The following DOCK8 variants were observed in gnomAD, a reference collection of about 807,000 sequenced individuals.
The protein encoded by DOCK8 is dedicator of cytokinesis protein 8.
Under a neutral mutation model 245.6 loss-of-function variants are expected in DOCK8, and 141 were observed. The observed-to-expected ratio is 0.57, with a 90% CI of 0.50 to 0.66. DOCK8 has a LOEUF of 0.66. Among genes scored for constraint, DOCK8 ranks in the 30% least tolerant of loss-of-function variants. DOCK8 has a pLI of 0.00. For synonymous variants in DOCK8, 1,168 were observed against 970.2 expected (o/e 1.20, Z -3.79); for missense variants, 2,965 against 2,603.4 (o/e 1.14, Z -3.02).
In DOCK8 at chr9:271,720, T is replaced by C. The variant is rs1190777998; in HGVS notation, c.147T>C (p.Ser49=). The C allele has an allele frequency of 6.4e-7, 1 of 1,550,634 alleles. No homozygotes were observed. The highest frequency in any genetic ancestry group is 8.7e-7 in the Non-Finnish European group (1 of 1,145,938). ...RQSISTSGFP[S]LQLPQFYDPV... ...GCATAAGTACCTCTGGCTTCCCCTC[T>C]CTTCAACTAGTAAGTATGAGTTCCA... The change falls in exon 2 of 48, where the codon TCT becomes TCC. Residue 49 remains serine (S), a synonymous_variant. Coordinates refer to ENST00000432829, the MANE Select transcript of DOCK8 (RefSeq NM_203447.4).
In DOCK8 at chr9:311,995, G is replaced by C. The variant is rs772387024; in HGVS notation, c.570G>C (p.Gly190=). The C allele has an allele frequency of 1.2e-6, 2 of 1,614,176 alleles. No individual in the cohort carries two copies. The highest frequency in any genetic ancestry group is 1.6e-4 in the Middle Eastern group (1 of 6,062). ...TAAACGTGCTGTGCGACGTGTCTGG[G>C]AAAGGCCCCGTCACTGCCTGTGACT... is the stretch of plus-strand genomic sequence containing the variant. ...RHLNVLCDVS[G]KGPVTACDFD... Residue 190 remains glycine, a synonymous_variant, in exon 6 of 48, where the codon GGG becomes GGC. Coordinates refer to ENST00000432829, the MANE Select transcript of DOCK8 (RefSeq NM_203447.4).
intron 1 of DOCK8, chr9:215,474 G>A: frequency 6.8e-7 from 1 of 1,477,800 alleles, no homozygotes; most frequent in Non-Finnish European, 9.0e-7. Context: ...TGCGTTTGAG[G>A]CAGGCTGCAA....
intron 1 of DOCK8, chr9:215,646 A>C: frequency 7.0e-6 from 3 of 429,928 alleles, no homozygotes; most frequent in Non-Finnish European, 8.1e-6. Flanking sequence ...AACCAAAAGA[A>C]ATGGCCTGTG....
rs773716205 is a variant in DOCK8 at position 377,061 on chromosome 9, A to C, written c.2290A>C (p.Ile764Leu). ...TFPIRVLDQK[I>L]SEMALEHELK... ...CCCCATCCGCGTGCTGGATCAGAAA[A>C]TCAGCGAGATGGCGCTGGAGCATGA... The change falls in exon 20 of 48, where the codon ATC becomes CTC. Residue 764 changes from isoleucine (I) to leucine (L), a missense_variant. This residue lies in a region of DOCK8 where 2,825 missense variants were observed against 2,453.5 expected (regional missense o/e 1.15). Coordinates refer to ENST00000432829, the MANE Select transcript of DOCK8 (RefSeq NM_203447.4). 2 of 1,613,512 alleles carry C rather than the reference A, an allele frequency of 1.2e-6. No individual in the cohort carries two copies. The highest frequency in any genetic ancestry group is 4.5e-5 in the East Asian group (2 of 44,882).
chr9:222,929 G>A (rs1251222690), intron 1 of DOCK8, among the ~76,000 whole-genome samples: 3 of 152,132 alleles, frequency 2.0e-5, no homozygotes, highest in Non-Finnish European at 2.9e-5. Flanking sequence ...ATAGCAAATG[G>A]AAAATCAGAA....
At position 464,384 on chromosome 9, in the gene DOCK8, A is replaced by G; in HGVS notation, c.*165A>G. The G allele has an allele frequency of 2.8e-6, 2 of 718,966 alleles. No homozygotes were observed. The highest frequency in any genetic ancestry group is 5.0e-6 in the Non-Finnish European group (2 of 402,170). The allele number at this position is 718,966 out of a possible 1,614,324, so 44.5% of individuals were successfully genotyped here. A position where few individuals can be genotyped will look rare whatever the true frequency, so the allele number is the denominator to read the frequency against. On this transcript the variant is annotated 3_prime_UTR_variant, in exon 48 of 48. Transcript: ENST00000432829. ...CCCAGGAACCATGGAATTATTCCCAAATGGACTCTGACCAGATTTTTGCCA... is the reference window on the plus strand; with the variant it reads ...CCCAGGAACCATGGAATTATTCCCAGATGGACTCTGACCAGATTTTTGCCA...
intron 24 of DOCK8, among the ~76,000 whole-genome samples, chr9:395,372 C>A (rs1586890483): frequency 1.3e-5 from 2 of 152,064 alleles, no homozygotes; most frequent in Non-Finnish European, 1.5e-5. Flanking sequence ...TGTTTGTTTC[C>A]ATGCTAACAA....
intron 18 of DOCK8, among the ~76,000 whole-genome samples, chr9:373,630 C>T (rs968478211): frequency 1.3e-4 from 20 of 152,146 alleles, no homozygotes; most frequent in African/African-American, 4.3e-4. Flanking sequence ...TAATTTCAAC[C>T]GTTCCAGTCA....
At chr9:319,782 C>CAG (rs2050505929) in intron 7 of DOCK8, among the ~76,000 whole-genome samples, 1 of 135,764 alleles carries the variant, frequency 7.4e-6, no homozygotes, top group African/African-American at 2.8e-5. Flanking sequence ...ATGTTTGTAA[C>CAG]AGAAAAAAAA....
intron 46 of DOCK8, chr9:454,589 C>T (rs1231568947): frequency 1.3e-5 from 2 of 151,904 alleles, no homozygotes; most frequent in Non-Finnish European, 2.9e-5. Flanking sequence ...GCTGGAGCAG[C>T]GTGTTCTCAT....
At chr9:311,267 G>A (rs1042977877) in intron 5 of DOCK8, among the ~76,000 whole-genome samples, 7 of 149,212 alleles carry the variant, frequency 4.7e-5, no homozygotes, top group African/African-American at 7.5e-5. Flanking sequence ...CCTAGGTGTC[G>A]CAGCAAGACT....
chr9:411,986 C>G (rs1403257829), intron 28 of DOCK8, among the ~76,000 whole-genome samples: 1 of 152,138 alleles, frequency 6.6e-6, no homozygotes, highest in African/African-American at 2.4e-5. Context: ...TAATGTGACA[C>G]TTATTAGTGA....
intron 22 of DOCK8, among the ~76,000 whole-genome samples, chr9:383,346 G>A (rs4741841): frequency 0.87 from 131,843 of 152,016 alleles, 57,648 homozygotes; most frequent in South Asian, 0.96. Context: ...CAGCCTGGCT[G>A]ACATGGTGAA....
chr9:400,949 A>G (rs1411299501), intron 26 of DOCK8, among the ~76,000 whole-genome samples: 4 of 113,386 alleles, frequency 3.5e-5, no homozygotes, highest in African/African-American at 1.4e-4. Flanking sequence ...CACCACCATC[A>G]CCACCACCAC....
chr9:395,579 TCTGA>T (rs2054412983), intron 24 of DOCK8, among the ~76,000 whole-genome samples: 1 of 151,286 alleles, frequency 6.6e-6, no homozygotes, highest in Admixed American at 6.6e-5. Flanking sequence ...GCAGTGGCTG[TCTGA>T]CTAATCTAGA....
chr9:417,995 G>C, intron 29 of DOCK8, 73 bp from the exon 30 acceptor site: 4 of 1,600,212 alleles, frequency 2.5e-6, no homozygotes, highest in Non-Finnish European at 3.4e-6. Context: ...AGAAGTATCA[G>C]TCTCTTATTG....
At chr9:376,574 C>T (rs1360128780) in intron 19 of DOCK8, among the ~76,000 whole-genome samples, 1 of 149,696 alleles carries the variant, frequency 6.7e-6, no homozygotes, top group African/African-American at 2.6e-5. Flanking sequence ...TTGAAACTCT[C>T]ATCTGCTGTT....
At chr9:415,506 GA>G (rs2055954193) in intron 29 of DOCK8, among the ~76,000 whole-genome samples, 1 of 151,872 alleles carries the variant, frequency 6.6e-6, no homozygotes, top group African/African-American at 2.4e-5. Context: ...AAGATGAAAG[GA>G]TAAGTTGTCT....
chr9:336,153 C>A (rs2051299142), intron 11 of DOCK8, among the ~76,000 whole-genome samples: 1 of 152,324 alleles, frequency 6.6e-6, no homozygotes, highest in East Asian at 1.9e-4. Context: ...AGGCTGACCC[C>A]AGCATGTTTG....
Sources: gnomAD v4.1 joint callset for allele counts (sites outside exome capture counted in the v4.1 genomes callset) on GRCh38, gnomAD v4.1.1 for gene constraint, gnomAD v4.1.1 regional missense constraint, MANE v1.5 for transcripts, NCBI Gene and HGNC (gene_info 2026-07-23, HGNC 2026-07-21) for gene names.